The following CNTNAP2 variants were observed in gnomAD, a reference collection of about 807,000 sequenced individuals.
CNTNAP2 encodes the protein contactin associated protein 2, also known as contactin-associated protein-like 2.
In CNTNAP2, 98 loss-of-function variants were observed where a neutral mutation model predicts 155.2. That is an observed-to-expected ratio of 0.63 (90% CI 0.54 to 0.75). The LOEUF is 0.75. CNTNAP2 is among the 30% of genes least tolerant of loss of function. CNTNAP2 has a pLI of 0.00. For missense variants in CNTNAP2, 1,727 were observed against 1,688.1 expected (o/e 1.02, Z -0.40); for synonymous variants, 651 against 631.2 (o/e 1.03, Z -0.47).
chr7:147,815,712 C>A (rs934308115), intron 13 of CNTNAP2, among the ~76,000 whole-genome samples: 1 of 152,172 alleles, frequency 6.6e-6, no homozygotes, highest in Non-Finnish European at 1.5e-5. Context: ...CAGGTGTGGA[C>A]ATTTTTAAAG....
chr7:148,379,717 TAATAAATA>T (rs938461569), intron 21 of CNTNAP2, among the ~76,000 whole-genome samples: 4 of 152,026 alleles, frequency 2.6e-5, no homozygotes, highest in Non-Finnish European at 4.4e-5. Context: ...GTCTCATAAA[TAATAAATA>T]AATAAATCCC....
At chr7:147,922,273 T>A (rs1245937734) in intron 14 of CNTNAP2, among the ~76,000 whole-genome samples, 1 of 152,218 alleles carries the variant, frequency 6.6e-6, no homozygotes, top group East Asian at 1.9e-4. Context: ...CTCACATTTC[T>A]AAATGTATGA....
intron 12 of CNTNAP2, among the ~76,000 whole-genome samples, chr7:147,600,066 T>G (rs957182381): frequency 6.6e-6 from 1 of 152,208 alleles, no homozygotes; most frequent in African/African-American, 2.4e-5. Flanking sequence ...CAAATGGTTG[T>G]CAAGTACTTT....
At chr7:147,130,302 A>T (rs953285688) in intron 7 of CNTNAP2, among the ~76,000 whole-genome samples, 1 of 151,936 alleles carries the variant, frequency 6.6e-6, no homozygotes, top group Admixed American at 6.6e-5. Context: ...GAATTAAAAA[A>T]TTAGCTGGGC....
intron 1 of CNTNAP2, among the ~76,000 whole-genome samples, chr7:146,298,798 G>A (rs1451684397): frequency 1.3e-5 from 2 of 152,222 alleles, no homozygotes; most frequent in Non-Finnish European, 2.9e-5. Flanking sequence ...TGATAGTGAT[G>A]TGATCTCTTA....
At chr7:147,120,606 T>A (rs1801087311) in intron 5 of CNTNAP2, among the ~76,000 whole-genome samples, 1 of 151,812 alleles carries the variant, frequency 6.6e-6, no homozygotes, top group Admixed American at 6.6e-5. Context: ...CATTTTATTT[T>A]ATTTATTTAT....
intron 15 of CNTNAP2, among the ~76,000 whole-genome samples, chr7:148,006,329 T>C (rs199669498): frequency 0.041 from 6,103 of 149,500 alleles, 278 homozygotes; most frequent in East Asian, 0.24. Context: ...TTTTTTTTTT[T>C]TTTTTTTTGA....
chr7:146,441,538 C>T (rs1796321042), intron 1 of CNTNAP2, among the ~76,000 whole-genome samples: 2 of 151,454 alleles, frequency 1.3e-5, no homozygotes, highest in Admixed American at 6.6e-5. Context: ...CTCTGGTTTC[C>T]ATCCATGGAT....
intron 20 of CNTNAP2, among the ~76,000 whole-genome samples, chr7:148,242,249 T>A (rs1406604): frequency 0.71 from 107,783 of 152,112 alleles, 39,545 homozygotes; most frequent in East Asian, 0.95. Flanking sequence ...GCGGGTTGTT[T>A]CTTGCCCAGG....
At chr7:146,486,224 C>G (rs1441052800) in intron 1 of CNTNAP2, among the ~76,000 whole-genome samples, 1 of 151,956 alleles carries the variant, frequency 6.6e-6, no homozygotes, top group African/African-American at 2.4e-5. Flanking sequence ...GCCACCGCGC[C>G]CGGCTAATTT....
intron 1 of CNTNAP2, among the ~76,000 whole-genome samples, chr7:146,541,905 T>A (rs1797959049): frequency 6.6e-6 from 1 of 152,046 alleles, no homozygotes; most frequent in African/African-American, 2.4e-5. Flanking sequence ...TTTCCCATAT[T>A]GTTAATTTAA....
At chr7:146,511,134 G>A (rs545805354) in intron 1 of CNTNAP2, among the ~76,000 whole-genome samples, 6 of 152,214 alleles carry the variant, frequency 3.9e-5, no homozygotes, top group African/African-American at 7.2e-5. Context: ...TCCTGACCTC[G>A]TGATCCACCC....
chr7:146,605,335 A>G (rs578171886), intron 1 of CNTNAP2, among the ~76,000 whole-genome samples: 1 of 151,062 alleles, frequency 6.6e-6, no homozygotes, highest in Non-Finnish European at 1.5e-5. Flanking sequence ...TCATTTTACC[A>G]ATGAGGAAAT....
intron 12 of CNTNAP2, among the ~76,000 whole-genome samples, chr7:147,623,451 A>C (rs968729570): frequency 6.6e-6 from 1 of 152,144 alleles, no homozygotes; most frequent in East Asian, 1.9e-4. Flanking sequence ...TAGCATTTCT[A>C]TATGCTAACA....
intron 3 of CNTNAP2, among the ~76,000 whole-genome samples, chr7:146,959,446 A>G (rs1208211449): frequency 1.3e-5 from 2 of 152,020 alleles, no homozygotes; most frequent in Non-Finnish European, 1.5e-5. Context: ...AAGCCTGGGC[A>G]TGGTGGCTCA....
At chr7:147,457,938 C>T (rs1797950893) in intron 10 of CNTNAP2, among the ~76,000 whole-genome samples, 1 of 152,114 alleles carries the variant, frequency 6.6e-6, no homozygotes, top group Non-Finnish European at 1.5e-5. Flanking sequence ...TCTCCTCCTG[C>T]CTGTTTCCAG....
intron 14 of CNTNAP2, among the ~76,000 whole-genome samples, chr7:147,952,205 G>A (rs12703981): frequency 0.32 from 35,036 of 108,370 alleles, 7,258 homozygotes; most frequent in East Asian, 0.71. Flanking sequence ...CACTTTGGGA[G>A]GCTGAGGCGG....
At chr7:147,011,478 C>T (rs1465017342) in intron 3 of CNTNAP2, among the ~76,000 whole-genome samples, 3 of 129,766 alleles carry the variant, frequency 2.3e-5, no homozygotes, top group Admixed American at 7.6e-5. Context: ...GAAAGAAAAG[C>T]AACTGTTCTG....
At chr7:148,311,550 A>G (rs889654527) in intron 21 of CNTNAP2, among the ~76,000 whole-genome samples, 1 of 152,180 alleles carries the variant, frequency 6.6e-6, no homozygotes, top group African/African-American at 2.4e-5. Context: ...ATCCACTCTA[A>G]GAGGGAGTTA....
Sources: gnomAD v4.1 joint callset for allele counts (sites outside exome capture counted in the v4.1 genomes callset) on GRCh38, gnomAD v4.1.1 for gene constraint, MANE v1.5 for transcripts, NCBI Gene and HGNC (gene_info 2026-07-23, HGNC 2026-07-21) for gene names.